The following OPA1 variants were observed in gnomAD, a reference collection of about 807,000 sequenced individuals.
The protein encoded by OPA1 is dynamin-like GTPase OPA1, mitochondrial.
A neutral mutation model predicts 152.9 loss-of-function variants in OPA1; 59 were observed. The ratio of observed to expected loss-of-function variants is 0.39; its 90% confidence interval spans 0.31 to 0.48. The LOEUF (loss-of-function observed/expected upper bound fraction) is 0.48. Among genes scored for constraint, OPA1 ranks in the 20% least tolerant of loss-of-function variants. OPA1 has a pLI of 0.96. For synonymous variants in OPA1, 400 were observed against 389.9 expected, an observed-to-expected ratio of 1.03 and a Z score of -0.31; for missense variants, 1,008 against 1,216.8, an observed-to-expected ratio of 0.83 and a Z score of 2.55.
rs7646539 is a variant in OPA1, at chr3:193,617,057, A to G, written c.449-121A>G. 274,057 of 654,722 alleles carry G rather than the reference A, an allele frequency of 0.42. 58,987 individuals carry two copies. Among genetic ancestry groups the G allele is most frequent in the Non-Finnish European group, 0.42 (155,547 of 366,796 alleles). 40.6% of individuals were successfully genotyped at this position (654,722 alleles called of 1,614,324 possible). On this transcript the variant is annotated intron_variant, in intron 3 of 30. Coordinates refer to ENST00000361510, the MANE Select transcript of OPA1 (RefSeq NM_130837.3). ...TTCTCATCTGTAAATGGTGTTGATA[A>G]TAGTAGCTGTTTTGTAGGGTTGTCA... is the stretch of plus-strand genomic sequence containing the variant.
At chr3:193,665,272 A>AG (rs113128351) in intron 27 of OPA1, among the ~76,000 whole-genome samples, 47 of 151,394 alleles carry the variant, frequency 3.1e-4, no homozygotes, top group African/African-American at 9.9e-4. Context: ...AAATAAATAA[A>AG]TAACAGGAAA....
intron 1 of OPA1, chr3:193,613,910 T>G (rs768725587): frequency 1.9e-6 from 1 of 518,738 alleles, no homozygotes; most frequent in Admixed American, 1.9e-5. Context: ...CCCTTGTAAT[T>G]AAAGGAATTA....
At chr3:193,626,654 T>A (rs1731206075) in intron 7 of OPA1, among the ~76,000 whole-genome samples, 1 of 152,216 alleles carries the variant, frequency 6.6e-6, no homozygotes, top group South Asian at 2.1e-4. Context: ...CAGGGAACAT[T>A]CATATTCTTG....
At chr3:193,669,044 T>C (rs411869) in intron 29 of OPA1, 38,208 of 208,470 alleles carry the variant, frequency 0.18, 4,184 homozygotes, top group South Asian at 0.39. Flanking sequence ...TTTTCTGATA[T>C]CTAAAAGGAA....
rs1320188987 is a variant in OPA1 at position 193,696,368 on chromosome 3, A to AT, written c.*1769dup. ...CCCTTTGTATAAGTTTTAAAAAGAG[A>AT]TGGAGGGAGATCTTCATTTCTTTGA... On this transcript the variant is annotated 3_prime_UTR_variant, in exon 31 of 31. Transcript: ENST00000361510. 6.6e-6 allele frequency: 1 copy of AT among 152,206 alleles called. No homozygotes were observed. The highest frequency in any genetic ancestry group is 1.5e-5 in the Non-Finnish European group (1 of 68,032). The allele number at this position is 152,206 out of a possible 1,614,324, so 9.4% of individuals were successfully genotyped here.
At chr3:193,646,046 A>G (rs553256951) in intron 18 of OPA1, among the ~76,000 whole-genome samples, 8 of 138,666 alleles carry the variant, frequency 5.8e-5, no homozygotes, top group Non-Finnish European at 1.3e-4. Context: ...CTGAAAGACA[A>G]CATAGATATC....
At chr3:193,639,599 T>G (rs1733450663) in intron 11 of OPA1, among the ~76,000 whole-genome samples, 1 of 152,192 alleles carries the variant, frequency 6.6e-6, no homozygotes, top group East Asian at 1.9e-4. Context: ...AATGATGACA[T>G]TAGAGGAATA....
intron 30 of OPA1, among the ~76,000 whole-genome samples, chr3:193,693,619 G>A (rs1053825787): frequency 6.6e-6 from 1 of 152,094 alleles, no homozygotes; most frequent in African/African-American, 2.4e-5. Flanking sequence ...CAGCCTGGGC[G>A]ACAGAGCGAG....
rs925281804 is a variant in OPA1, at chr3:193,625,797, AT to A, written c.679-289del. ...CTGTTAAAAAAAAAAAAAAATCAGT[AT>A]TTTTTCTCCATATTTTTTATATATC... On this transcript the variant is annotated intron_variant, in intron 6 of 30. Coordinates refer to ENST00000361510, the MANE Select transcript of OPA1 (RefSeq NM_130837.3). Among the ~76,000 whole-genome samples the A allele has an allele frequency of 5.9e-5, 9 of 151,648 alleles. No homozygotes were observed. The East Asian group carries it at 1.2e-3, about 20-fold the overall frequency.
At chr3:193,676,744 G>C (rs1479474556) in intron 29 of OPA1, among the ~76,000 whole-genome samples, 2 of 152,110 alleles carry the variant, frequency 1.3e-5, no homozygotes. Flanking sequence ...ACTTTAGGAG[G>C]CCAAGGTGGG....
chr3:193,604,707 A>G (rs1726962021), intron 1 of OPA1, among the ~76,000 whole-genome samples: 1 of 151,768 alleles, frequency 6.6e-6, no homozygotes, highest in Admixed American at 6.6e-5. Context: ...CTAAAAATAC[A>G]AAATTAGCCA....
intron 19 of OPA1, 26 bp downstream of exon 19, chr3:193,647,206 A>G: frequency 6.9e-7 from 1 of 1,450,528 alleles, no homozygotes; most frequent in Non-Finnish European, 9.6e-7. Context: ...TAAAGAAGCA[A>G]GCAAATTAAG....
intron 29 of OPA1, among the ~76,000 whole-genome samples, chr3:193,686,302 C>G (rs1426531624): frequency 3.3e-5 from 5 of 152,174 alleles, no homozygotes; most frequent in Non-Finnish European, 5.9e-5. Context: ...GGAACCTCAG[C>G]TTTCAAAGTA....
At chr3:193,651,392 A>G (rs1638222028) in intron 21 of OPA1, among the ~76,000 whole-genome samples, 1 of 152,210 alleles carries the variant, frequency 6.6e-6, no homozygotes, top group Non-Finnish European at 1.5e-5. Context: ...GAGGTTACCT[A>G]AAAGATAGAA....
rs2108943142 is a variant in OPA1, at chr3:193,626,165, G to C, written c.752G>C (p.Gly251Ala). 1 of 1,614,058 alleles carries C rather than the reference G, an allele frequency of 6.2e-7. No homozygotes were observed. ...EHEEEARRAAGQYSTSYAQQK... is the reference protein window; with the variant it reads ...EHEEEARRAAAQYSTSYAQQK... ...GAAGAGGAAGCGCGCAGAGCCGCTGGCCAATATAGCACGAGCTATGCCCAA... is the reference window on the plus strand; with the variant it reads ...GAAGAGGAAGCGCGCAGAGCCGCTGCCCAATATAGCACGAGCTATGCCCAA... Residue 251 changes from glycine (G) to alanine (A), a missense_variant, in exon 7 of 31, where the codon GGC becomes GCC. Gly to Ala is a moderately conservative substitution (Grantham distance 60, BLOSUM62 0). Coordinates refer to ENST00000361510, the MANE Select transcript of OPA1 (RefSeq NM_130837.3).
In OPA1 at chr3:193,659,537, C is replaced by A; in HGVS notation, c.2496C>A (p.Tyr832Ter). The A allele has an allele frequency of 6.2e-7, 1 of 1,611,950 alleles. No homozygotes were observed. Among genetic ancestry groups the A allele is most frequent in the Non-Finnish European group, 8.5e-7 (1 of 1,178,800 alleles). Residue 832 changes from tyrosine (Y) to a stop codon, truncating the protein, a stop_gained, in exon 25 of 31, where the codon TAC (tyrosine) becomes TAA (stop). Coordinates refer to ENST00000361510, the MANE Select transcript of OPA1 (RefSeq NM_130837.3). LOFTEE classifies it high-confidence loss of function. ...VGPDWKKRWLYWKNRTQEQCV... is the reference protein window; with the variant it reads ...VGPDWKKRWL ...CAGACTGGAAAAAGAGGTGGTTATA[C>A]TGGAAGAATCGGACCCAAGAACAGG...
At chr3:193,619,290 A>G (rs1729614212) in intron 6 of OPA1, among the ~76,000 whole-genome samples, 1 of 152,180 alleles carries the variant, frequency 6.6e-6, no homozygotes, top group Non-Finnish European at 1.5e-5. Context: ...ACTCATGCGC[A>G]TTGTGAATTT....
chr3:193,667,464 A>G (rs1348058897), intron 29 of OPA1, 184 bp downstream of exon 29: 1 of 632,638 alleles, frequency 1.6e-6, no homozygotes, highest in African/African-American at 1.8e-5. Context: ...AGGTCAGAAG[A>G]TCAAGACCAT....
At chr3:193,629,154 C>T (rs141496605) in intron 7 of OPA1, among the ~76,000 whole-genome samples, 4,723 of 152,076 alleles carry the variant, frequency 0.031, 93 homozygotes, top group Middle Eastern at 0.061. Flanking sequence ...CTCAGGTGAT[C>T]CGCCTGCCTC....
Sources: gnomAD v4.1 joint callset for allele counts (sites outside exome capture counted in the v4.1 genomes callset) on GRCh38, gnomAD v4.1.1 for gene constraint, MANE v1.5 for transcripts, NCBI Gene and HGNC (gene_info 2026-07-23, HGNC 2026-07-21) for gene names.